Variants in MACROD2 observed in about 807,000 individuals in gnomAD.
The protein encoded by MACROD2 is ADP-ribose glycohydrolase MACROD2.
In MACROD2, 36 loss-of-function variants were observed where a neutral mutation model predicts 70.4. The ratio of observed to expected loss-of-function variants is 0.51; its 90% confidence interval spans 0.39 to 0.68. The LOEUF (loss-of-function observed/expected upper bound fraction) is 0.68. MACROD2 is among the 30% of genes least tolerant of loss of function. MACROD2 has a pLI of 0.00. For synonymous variants in MACROD2, 172 were observed against 178.8 expected (o/e 0.96, Z 0.30); for missense variants, 496 against 538.4 (o/e 0.92, Z 0.78).
chr20:15,365,061 A>T (rs910766612), intron 6 of MACROD2, among the ~76,000 whole-genome samples: 1 of 152,252 alleles, frequency 6.6e-6, no homozygotes, highest in Non-Finnish European at 1.5e-5. Flanking sequence ...TTTTACTCTG[A>T]TTAAGAATAT....
chr20:14,662,900 T>C (rs1986293912), intron 4 of MACROD2, among the ~76,000 whole-genome samples: 1 of 151,892 alleles, frequency 6.6e-6, no homozygotes, highest in African/African-American at 2.4e-5. Context: ...TAGATTATTT[T>C]AACCATTGTG....
intron 15 of MACROD2, among the ~76,000 whole-genome samples, chr20:16,040,497 G>A (rs191939949): frequency 6.6e-6 from 1 of 152,100 alleles, no homozygotes; most frequent in East Asian, 1.9e-4. Flanking sequence ...ACTTAAGAGA[G>A]ATTTAACTAA....
intron 5 of MACROD2, among the ~76,000 whole-genome samples, chr20:15,140,743 G>C (rs1282187231): frequency 6.6e-6 from 1 of 152,122 alleles, no homozygotes; most frequent in Non-Finnish European, 1.5e-5. Flanking sequence ...ACAGGAATCT[G>C]CTATGCGAAA....
At chr20:15,302,828 G>C (rs765627309) in intron 6 of MACROD2, among the ~76,000 whole-genome samples, 44 of 152,040 alleles carry the variant, frequency 2.9e-4, no homozygotes, top group Non-Finnish European at 5.3e-4. Context: ...TACAAACCTG[G>C]TGCATTTCCT....
At chr20:15,479,137 G>C (rs2047060466) in intron 7 of MACROD2, among the ~76,000 whole-genome samples, 1 of 152,162 alleles carries the variant, frequency 6.6e-6, no homozygotes, top group Non-Finnish European at 1.5e-5. Context: ...ACATCTGAAG[G>C]ATGGCCTTCT....
chr20:14,515,469 A>ACACGCACGCGCGCGCGCG (rs759399680), intron 4 of MACROD2, among the ~76,000 whole-genome samples: 3 of 143,726 alleles, frequency 2.1e-5, no homozygotes, highest in African/African-American at 8.0e-5. Context: ...ACACACGCAC[A>ACACGCACGCGCGCGCGCG]CACACACACA....
intron 5 of MACROD2, among the ~76,000 whole-genome samples, chr20:14,700,529 G>T (rs200360511): frequency 2.1e-5 from 2 of 97,108 alleles, no homozygotes. Flanking sequence ...GGTGGTGTGT[G>T]TGTGTGTGTG....
At chr20:15,143,472 C>T (rs996676788) in intron 5 of MACROD2, among the ~76,000 whole-genome samples, 1 of 152,130 alleles carries the variant, frequency 6.6e-6, no homozygotes, top group African/African-American at 2.4e-5. Context: ...TGCCTGTTCA[C>T]TCTGATGGTA....
intron 4 of MACROD2, among the ~76,000 whole-genome samples, chr20:14,651,593 A>T (rs1047988469): frequency 2.0e-5 from 3 of 152,232 alleles, no homozygotes; most frequent in Admixed American, 6.5e-5. Flanking sequence ...CTCAATCCTG[A>T]ACCATATTGC....
intron 12 of MACROD2, among the ~76,000 whole-genome samples, chr20:15,941,035 C>T (rs1407721045): frequency 6.6e-6 from 1 of 152,192 alleles, no homozygotes; most frequent in East Asian, 1.9e-4. Context: ...CACACCTTCA[C>T]AGAAGCACAC....
chr20:15,340,016 G>C (rs955735053), intron 6 of MACROD2, among the ~76,000 whole-genome samples: 2 of 151,342 alleles, frequency 1.3e-5, no homozygotes, highest in African/African-American at 2.4e-5. Flanking sequence ...ATCTTGATTA[G>C]TAAGGTAGGA....
At chr20:15,060,992 A>C (rs1278597111) in intron 5 of MACROD2, among the ~76,000 whole-genome samples, 1 of 152,184 alleles carries the variant, frequency 6.6e-6, no homozygotes, top group East Asian at 1.9e-4. Flanking sequence ...ATTGAGTAGC[A>C]GGCACCCTGT....
chr20:15,884,022 TA>T (rs1193254398), intron 9 of MACROD2, among the ~76,000 whole-genome samples: 2 of 152,082 alleles, frequency 1.3e-5, no homozygotes, highest in East Asian at 3.9e-4. Flanking sequence ...ATTTAAACCT[TA>T]GGAAAGCTCT....
intron 12 of MACROD2, among the ~76,000 whole-genome samples, chr20:15,951,368 G>A (rs1474054246): frequency 6.6e-6 from 1 of 151,112 alleles, no homozygotes; most frequent in Non-Finnish European, 1.5e-5. Flanking sequence ...GAGAGAGAGA[G>A]AAAGAGCACA....
intron 6 of MACROD2, among the ~76,000 whole-genome samples, chr20:15,313,639 T>C (rs1171656583): frequency 6.6e-6 from 1 of 152,174 alleles, no homozygotes; most frequent in East Asian, 1.9e-4. Flanking sequence ...GGTTTTCTTC[T>C]CATTTCTCTT....
chr20:15,984,624 T>A (rs2066451083), intron 13 of MACROD2, among the ~76,000 whole-genome samples: 1 of 133,298 alleles, frequency 7.5e-6, no homozygotes, highest in Non-Finnish European at 1.7e-5. Flanking sequence ...TTTACATAAA[T>A]TTTGCCTCCC....
At chr20:14,869,224 G>C (rs1054776198) in intron 5 of MACROD2, among the ~76,000 whole-genome samples, 3 of 152,138 alleles carry the variant, frequency 2.0e-5, no homozygotes, top group African/African-American at 7.2e-5. Flanking sequence ...ATATGTGCTA[G>C]AGTAGAAAAA....
intron 3 of MACROD2, among the ~76,000 whole-genome samples, chr20:14,140,511 G>T (rs2054856875): frequency 6.6e-6 from 1 of 152,196 alleles, no homozygotes; most frequent in Non-Finnish European, 1.5e-5. Context: ...TTTATATAGG[G>T]TGAGAGCTCT....
At chr20:14,981,432 GTATATA>G (rs747438726) in intron 5 of MACROD2, among the ~76,000 whole-genome samples, 1,669 of 141,460 alleles carry the variant, frequency 0.012, 43 homozygotes, top group African/African-American at 0.041. Flanking sequence ...ATATGTATAT[GTATATA>G]TATATATATA....
Sources: gnomAD v4.1 joint callset for allele counts (sites outside exome capture counted in the v4.1 genomes callset) on GRCh38, gnomAD v4.1.1 for gene constraint, MANE v1.5 for transcripts, NCBI Gene and HGNC (gene_info 2026-07-23, HGNC 2026-07-21) for gene names.